The following GMDS variants were observed in gnomAD, a reference collection of about 807,000 sequenced individuals.
GMDS encodes GDP-mannose 4,6-dehydratase, also known as GDP-mannose 4,6 dehydratase.
A neutral mutation model predicts 49.9 loss-of-function variants in GMDS; 20 were observed. The ratio of observed to expected loss-of-function variants is 0.40; its 90% CI spans 0.28 to 0.58. The LOEUF is 0.58. Among genes scored for constraint, GMDS ranks in the 20% least tolerant of loss-of-function variants. The pLI, the probability that GMDS is intolerant of heterozygous loss-of-function variation, is 0.42. For missense variants in GMDS, 362 were observed against 481.4 expected (o/e 0.75, Z 2.32); for synonymous variants, 177 against 178.6 (o/e 0.99, Z 0.07).
chr6:1,658,045 C>T (rs925873725), intron 9 of GMDS, among the ~76,000 whole-genome samples: 1 of 152,072 alleles, frequency 6.6e-6, no homozygotes, highest in Non-Finnish European at 1.5e-5. Flanking sequence ...GCAGGGAGTG[C>T]CGGGGGTGTG....
intron 1 of GMDS, among the ~76,000 whole-genome samples, chr6:2,175,688 A>T (rs1264473007): frequency 6.6e-6 from 1 of 152,238 alleles, no homozygotes; most frequent in Non-Finnish European, 1.5e-5. Flanking sequence ...TTTGGTTTTA[A>T]TACACGTACA....
chr6:1,842,096 G>A (rs956733062), intron 7 of GMDS, among the ~76,000 whole-genome samples: 1 of 152,118 alleles, frequency 6.6e-6, no homozygotes, highest in African/African-American at 2.4e-5. Flanking sequence ...CAAAGGCTGT[G>A]TTCTCTCCCA....
At chr6:1,792,404 G>C (rs933585725) in intron 7 of GMDS, among the ~76,000 whole-genome samples, 3 of 151,984 alleles carry the variant, frequency 2.0e-5, no homozygotes, top group African/African-American at 7.3e-5. Flanking sequence ...TCTCTTGAAG[G>C]GATCAGTGTT....
chr6:2,207,714 T>C (rs1779866100), intron 1 of GMDS, among the ~76,000 whole-genome samples: 2 of 151,930 alleles, frequency 1.3e-5, no homozygotes, highest in Admixed American at 6.6e-5. Context: ...CGCCTATTGT[T>C]ACGTAAAAAT....
intron 1 of GMDS, among the ~76,000 whole-genome samples, chr6:2,236,423 T>C (rs1243281492): frequency 6.6e-6 from 1 of 152,230 alleles, no homozygotes; most frequent in Non-Finnish European, 1.5e-5. Context: ...CAAACAGGGT[T>C]TCTGCTGTCT....
intron 4 of GMDS, among the ~76,000 whole-genome samples, chr6:2,049,373 C>CAT (rs1330631708): frequency 1.2e-4 from 18 of 152,276 alleles, no homozygotes; most frequent in African/African-American, 2.9e-4. Flanking sequence ...ATGTCAAATA[C>CAT]ATATGGTGTT....
At chr6:1,689,306 G>A (rs1765090837) in intron 9 of GMDS, among the ~76,000 whole-genome samples, 1 of 152,148 alleles carries the variant, frequency 6.6e-6, no homozygotes, top group African/African-American at 2.4e-5. Flanking sequence ...AGTCAAGAGA[G>A]CCCATAAAAT....
intron 9 of GMDS, among the ~76,000 whole-genome samples, chr6:1,671,120 AC>A (rs1402568897): frequency 6.6e-6 from 1 of 152,198 alleles, no homozygotes; most frequent in Non-Finnish European, 1.5e-5. Flanking sequence ...AACCACAGTA[AC>A]CCACGAAGGC....
intron 7 of GMDS, among the ~76,000 whole-genome samples, chr6:1,827,153 GCACACACA>G (rs549906355): frequency 7.7e-6 from 1 of 130,654 alleles, no homozygotes; most frequent in Non-Finnish European, 1.6e-5. Context: ...ATATATATAT[GCACACACA>G]CACACACACA....
chr6:1,871,335 G>A (rs1451208192), intron 7 of GMDS, among the ~76,000 whole-genome samples: 2 of 151,734 alleles, frequency 1.3e-5, no homozygotes, highest in African/African-American at 2.4e-5. Context: ...GAAAGAAAAA[G>A]AGTAGGTCAT....
At chr6:1,816,216 G>C (rs577897224) in intron 7 of GMDS, among the ~76,000 whole-genome samples, 1 of 152,320 alleles carries the variant, frequency 6.6e-6, no homozygotes, top group African/African-American at 2.4e-5. Context: ...AGAGCCTACT[G>C]TGTGCTTGGC....
At chr6:1,735,177 C>T (rs544921256) in intron 8 of GMDS, among the ~76,000 whole-genome samples, 22 of 152,266 alleles carry the variant, frequency 1.4e-4, no homozygotes, top group Non-Finnish European at 2.1e-4. Context: ...CCCAGAGTCG[C>T]TGCCACTGTT....
At chr6:1,639,232 A>T (rs1763254729) in intron 9 of GMDS, among the ~76,000 whole-genome samples, 1 of 152,188 alleles carries the variant, frequency 6.6e-6, no homozygotes, top group African/African-American at 2.4e-5. Flanking sequence ...ACTTGCAGAA[A>T]CAGATACTGG....
At chr6:1,704,207 C>A (rs1765639774) in intron 9 of GMDS, among the ~76,000 whole-genome samples, 1 of 151,782 alleles carries the variant, frequency 6.6e-6, no homozygotes, top group African/African-American at 2.4e-5. Flanking sequence ...GGGCTGCTGG[C>A]TGTAAATGTA....
intron 7 of GMDS, among the ~76,000 whole-genome samples, chr6:1,886,260 G>A (rs983470272): frequency 2.6e-5 from 4 of 152,116 alleles, no homozygotes; most frequent in African/African-American, 9.7e-5. Flanking sequence ...TTCTTTCTCA[G>A]TTGTGTAATT....
intron 7 of GMDS, among the ~76,000 whole-genome samples, chr6:1,780,529 G>C (rs1250648714): frequency 6.6e-6 from 1 of 152,218 alleles, no homozygotes; most frequent in Non-Finnish European, 1.5e-5. Flanking sequence ...TGCAGCACCA[G>C]GAGCCTTTTG....
At chr6:1,835,346 G>A (rs891250528) in intron 7 of GMDS, among the ~76,000 whole-genome samples, 11 of 152,186 alleles carry the variant, frequency 7.2e-5, no homozygotes, top group Non-Finnish European at 1.5e-4. Context: ...AAGAGTGGAA[G>A]GAGGCGGCTT....
chr6:2,062,164 T>A (rs925205279), intron 4 of GMDS, among the ~76,000 whole-genome samples: 2 of 152,146 alleles, frequency 1.3e-5, no homozygotes, highest in African/African-American at 2.4e-5. Flanking sequence ...AATTTTCCCA[T>A]CTGTGGTCAC....
chr6:2,065,232 C>A (rs6925152), intron 4 of GMDS, among the ~76,000 whole-genome samples: 318 of 150,696 alleles, frequency 2.1e-3, no homozygotes, highest in African/African-American at 7.1e-3. Flanking sequence ...AGAGGGAAAA[C>A]TAACAAACTG....
Sources: gnomAD v4.1 joint callset for allele counts (sites outside exome capture counted in the v4.1 genomes callset) on GRCh38, gnomAD v4.1.1 for gene constraint, MANE v1.5 for transcripts, NCBI Gene and HGNC (gene_info 2026-07-23, HGNC 2026-07-21) for gene names.